TSC1: variants seen among roughly 807,000 people sequenced by gnomAD.
TSC1 encodes hamartin.
TSC1 carries 20 observed loss-of-function variants against 124.3 expected under a neutral mutation model. The observed-to-expected ratio is 0.16, with a 90% CI of 0.11 to 0.23. The LOEUF (loss-of-function observed/expected upper bound fraction) is 0.23. TSC1 is among the 10% of genes least tolerant of loss of function. TSC1 has a pLI of 1.00. For synonymous variants in TSC1, 493 were observed against 539.1 expected (o/e 0.91, Z 1.19); for missense variants, 1,124 against 1,448.5 (o/e 0.78, Z 3.64).
chr9:132,921,284 C>A lies in TSC1; in HGVS notation c.737+79G>T. 1 of 1,458,872 alleles carries A rather than the reference C, an allele frequency of 6.9e-7. No homozygotes were observed. The highest frequency in any genetic ancestry group is 9.6e-7 in the Non-Finnish European group (1 of 1,046,680). 90.4% of individuals were successfully genotyped at this position (1,458,872 alleles called of 1,614,324 possible). A position where few individuals can be genotyped will look rare whatever the true frequency, so the allele number is the denominator to read the frequency against. On this transcript the variant is annotated intron_variant, in intron 8 of 22. Coordinates refer to ENST00000298552, the MANE Select transcript of TSC1 (RefSeq NM_000368.5). The surrounding 1 kb of genome is among the most constrained non-coding windows in gnomAD (Gnocchi z 4.3). ...TAGAACATCTATATTCCCAAATATA[C>A]CTCAACAGGGATTACCTCCTAGATC...
intron 8 of TSC1, among the ~76,000 whole-genome samples, chr9:132,919,860 A>G (rs1447818666): frequency 6.6e-6 from 1 of 152,134 alleles, no homozygotes; most frequent in Non-Finnish European, 1.5e-5. Flanking sequence ...GAGCCAGGTG[A>G]CCCTGGCCTG....
intron 12 of TSC1, chr9:132,910,345 G>C (rs1016297693): frequency 2.9e-6 from 2 of 696,208 alleles, no homozygotes; most frequent in Non-Finnish European, 4.8e-6. Context: ...GGTTTGACCT[G>C]CTGGGTTCCC....
chr9:132,915,633 G>A (rs1846238867), intron 8 of TSC1, among the ~76,000 whole-genome samples: 1 of 152,214 alleles, frequency 6.6e-6, no homozygotes, highest in Non-Finnish European at 1.5e-5. Flanking sequence ...AACTCCATCA[G>A]AGATTTGCAT....
At chr9:132,917,290 T>G (rs1846313167) in intron 8 of TSC1, among the ~76,000 whole-genome samples, 1 of 152,036 alleles carries the variant, frequency 6.6e-6, no homozygotes. Flanking sequence ...TTTTTTTTTG[T>G]TGTATTATTT....
chr9:132,904,077 A>G (rs142986319), intron 16 of TSC1, among the ~76,000 whole-genome samples: 53 of 152,060 alleles, frequency 3.5e-4, no homozygotes, highest in African/African-American at 1.3e-3. Flanking sequence ...ACAAATCTAG[A>G]TCACGCATTT....
chr9:132,914,024 G>A (rs1353706158), intron 8 of TSC1, among the ~76,000 whole-genome samples: 3 of 146,278 alleles, frequency 2.1e-5, no homozygotes, highest in Admixed American at 6.9e-5. Flanking sequence ...TCAGTCTCCC[G>A]AGTAGCTGGG....
intron 2 of TSC1, 82 bp downstream of exon 2, chr9:132,934,951 A>G (rs2132389028): frequency 5.0e-6 from 2 of 398,726 alleles, no homozygotes; most frequent in East Asian, 7.1e-5. Flanking sequence ...AAAACTGTAA[A>G]TGTTAAATCC....
chr9:132,902,758 G>A lies in TSC1; in HGVS notation c.2238C>T (p.Asp746=), dbSNP rs2131740177. Residue 746 remains aspartate (D), a synonymous_variant, in exon 18 of 23, where the codon GAC becomes GAT. Coordinates refer to ENST00000298552, the MANE Select transcript of TSC1 (RefSeq NM_000368.5). This position sits in a 1 kb window ranked among gnomAD's most constrained non-coding sequence, Gnocchi z 5.2. ...MKDQLKLQEK[D]IQMWKVSLQK... The stretch of plus-strand genomic sequence containing the variant: ...GCAGACTAACCTTCCACATCTGGAT[G>A]TCCTTCTCTTGTAACTTCAACTGAT... The A allele has an allele frequency of 6.2e-7, 1 of 1,613,946 alleles. No homozygotes were observed. The highest frequency in any genetic ancestry group is 8.5e-7 in the Non-Finnish European group (1 of 1,180,046).
chr9:132,910,195 C>T (rs1038878047), intron 12 of TSC1: 3 of 447,994 alleles, frequency 6.7e-6, no homozygotes, highest in East Asian at 3.7e-5. Context: ...CAGCTACTAG[C>T]GAGGCTGATG....
At chr9:132,915,577 CT>C (rs1276907852) in intron 8 of TSC1, among the ~76,000 whole-genome samples, 1 of 152,136 alleles carries the variant, frequency 6.6e-6, no homozygotes, top group Non-Finnish European at 1.5e-5. Flanking sequence ...AACTATTTTC[CT>C]TTAGACAACA....
Position 132,896,817 on chromosome 9 carries a change from T to A in TSC1, c.2976-63A>T. The A allele has an allele frequency of 6.2e-7, 1 of 1,611,572 alleles. No homozygotes were observed. The stretch of plus-strand genomic sequence containing the variant: ...TTGGACTGTCCACATTCGGAGGATG[T>A]GGAATTACACTGACACTCACTCACA... On this transcript the variant is annotated intron_variant, in intron 22 of 22. Transcript: ENST00000298552. This position sits in a 1 kb window ranked among gnomAD's most constrained non-coding sequence, Gnocchi z 4.5.
rs373845353 is a variant in TSC1 at position 132,893,597 on chromosome 9, G to A, written c.*2638C>T. Reference sequence around the variant, plus strand: ...CACAGCAGCAGACTTCGGGCTCCTCGGGGCCTGTGCTGACTCTGGTTAGTG... The same window carrying A: ...CACAGCAGCAGACTTCGGGCTCCTCAGGGCCTGTGCTGACTCTGGTTAGTG... On this transcript the variant is annotated 3_prime_UTR_variant, in exon 23 of 23. Coordinates refer to ENST00000298552, the MANE Select transcript of TSC1 (RefSeq NM_000368.5). 12 of 233,104 alleles carry A rather than the reference G, an allele frequency of 5.1e-5. No homozygotes were observed. The highest frequency in any genetic ancestry group is 4.8e-4 in the East Asian group (8 of 16,570). 14.4% of individuals were successfully genotyped at this position (233,104 alleles called of 1,614,324 possible).
At position 132,906,712 on chromosome 9, in the gene TSC1, G is replaced by T. The variant is rs778924863; in HGVS notation, c.1438+19C>A. 2.5e-6 allele frequency: 4 copies of T among 1,595,946 alleles called. No individual in the cohort carries two copies. The highest frequency in any genetic ancestry group is 8.6e-7 in the Non-Finnish European group (1 of 1,165,376). The stretch of plus-strand genomic sequence containing the variant: ...GAGGGTCAGGTTTTATCAACTCATA[G>T]CAATCCCACATACATTACCTTCTTC... On this transcript the variant is annotated intron_variant, in intron 14 of 22. Coordinates refer to ENST00000298552, the MANE Select transcript of TSC1 (RefSeq NM_000368.5). The surrounding 1 kb of genome is among the most constrained non-coding windows in gnomAD (Gnocchi z 4.1).
intron 2 of TSC1, among the ~76,000 whole-genome samples, chr9:132,929,584 T>G (rs780666161): frequency 2.0e-5 from 3 of 152,216 alleles, no homozygotes; most frequent in Non-Finnish European, 4.4e-5. Context: ...ACCCAAGCTC[T>G]CTATGGTAGT....
Position 132,895,843 on chromosome 9 carries a change from C to T in TSC1, c.*392G>A, listed in dbSNP as rs1845003358. 3.0e-6 allele frequency: 1 copy of T among 333,264 alleles called. No individual in the cohort carries two copies. Among genetic ancestry groups the T allele is most frequent in the Non-Finnish European group, 5.6e-6 (1 of 178,330 alleles). 20.6% of individuals were successfully genotyped at this position (333,264 alleles called of 1,614,324 possible). A position where few individuals can be genotyped will look rare whatever the true frequency, so the allele number is the denominator to read the frequency against. ...TACCTGGTCTAATTGAGAGCCAACCCAGTTATCTGAACTTCGGGAAAGCAG... is the reference window on the plus strand; with the variant it reads ...TACCTGGTCTAATTGAGAGCCAACCTAGTTATCTGAACTTCGGGAAAGCAG... On this transcript the variant is annotated 3_prime_UTR_variant, in exon 23 of 23. Transcript: ENST00000298552.
At chr9:132,904,307 A>G (rs1845534761) in intron 16 of TSC1, 104 bp downstream of exon 16, 10 of 1,271,088 alleles carry the variant, frequency 7.9e-6, no homozygotes, top group Non-Finnish European at 9.1e-6. Flanking sequence ...GCAATAGCCA[A>G]GGGGAGATCT....
Position 132,924,247 on chromosome 9 carries a change from T to C in TSC1, c.364-755A>G, listed in dbSNP as rs1187092116. Among the ~76,000 whole-genome samples the C allele has an allele frequency of 2.6e-5, 4 of 152,298 alleles. No homozygotes were observed. In the East Asian group the frequency reaches 7.7e-4, roughly 29 times the overall value. ...GTTTGCCAGGTAGATGAAATTCAGA[T>C]TTATGAAACAAGATATTAATCAAAA... is the stretch of plus-strand genomic sequence containing the variant. On this transcript the variant is annotated intron_variant, in intron 5 of 22. Transcript: ENST00000298552.
At position 132,912,692 on chromosome 9, in the gene TSC1, A is replaced by G. The variant is rs916471899; in HGVS notation, c.738-235T>C. The G allele has an allele frequency of 5.5e-6, 3 of 543,588 alleles. No individual in the cohort carries two copies. In the African/African-American group the frequency reaches 5.7e-5, roughly 10 times the overall value. 33.7% of individuals were successfully genotyped at this position (543,588 alleles called of 1,614,324 possible). On this transcript the variant is annotated intron_variant, in intron 8 of 22. Transcript: ENST00000298552. ...GTTTACAAGCTAATCTGAAACAAAT[A>G]TTTCCTCAACAAAAGACTAGGTGTA...
chr9:132,932,512 G>C (rs999288036), intron 2 of TSC1, among the ~76,000 whole-genome samples: 1 of 152,120 alleles, frequency 6.6e-6, no homozygotes, highest in Non-Finnish European at 1.5e-5. Flanking sequence ...GAGACATTGA[G>C]ATATAAACAT....
Sources: gnomAD v4.1 joint callset for allele counts (sites outside exome capture counted in the v4.1 genomes callset) on GRCh38, gnomAD v4.1.1 for gene constraint, Gnocchi (gnomAD v3.1) non-coding constraint, MANE v1.5 for transcripts, NCBI Gene and HGNC (gene_info 2026-07-23, HGNC 2026-07-21) for gene names.